GABRG3: variants seen among roughly 807,000 people sequenced by gnomAD.
The protein encoded by GABRG3 is gamma-aminobutyric acid type A receptor subunit gamma3.
GABRG3 carries 25 observed loss-of-function variants against 48.8 expected under a neutral mutation model. The ratio of observed to expected loss-of-function variants is 0.51; its 90% CI spans 0.37 to 0.72. The LOEUF is 0.72. GABRG3 is among the 30% of genes least tolerant of loss of function. The pLI, the probability that GABRG3 is intolerant of heterozygous loss-of-function variation, is 0.00. For missense variants in GABRG3, 394 were observed against 577.9 expected (o/e 0.68, Z 3.26); for synonymous variants, 227 against 217.6 (o/e 1.04, Z -0.38).
chr15:27,468,413 G>T (rs761120456), intron 5 of GABRG3, among the ~76,000 whole-genome samples: 7 of 152,184 alleles, frequency 4.6e-5, no homozygotes, highest in Non-Finnish European at 8.8e-5. Context: ...CATGGGGTTG[G>T]TGGTTGTGTG....
chr15:27,060,948 C>A (rs1158124530), intron 3 of GABRG3, among the ~76,000 whole-genome samples: 1 of 152,102 alleles, frequency 6.6e-6, no homozygotes, highest in Non-Finnish European at 1.5e-5. Context: ...TCACTAAATG[C>A]CACCAAATAC....
chr15:27,427,837 T>C (rs1402708856), intron 5 of GABRG3, among the ~76,000 whole-genome samples: 2 of 152,202 alleles, frequency 1.3e-5, no homozygotes, highest in Non-Finnish European at 2.9e-5. Flanking sequence ...TCCCATCCTC[T>C]GGAGTGGCTT....
chr15:27,053,967 A>C (rs986324993), intron 3 of GABRG3, among the ~76,000 whole-genome samples: 1 of 152,262 alleles, frequency 6.6e-6, no homozygotes, highest in Non-Finnish European at 1.5e-5. Flanking sequence ...TGGGGACTTC[A>C]AAAGGAGGGA....
chr15:27,170,199 G>A (rs991560444), intron 3 of GABRG3, among the ~76,000 whole-genome samples: 1 of 152,130 alleles, frequency 6.6e-6, no homozygotes, highest in Non-Finnish European at 1.5e-5. Context: ...TTTAAAAGAT[G>A]TTTGGCCATC....
chr15:27,205,763 A>G (rs552170525), intron 3 of GABRG3, among the ~76,000 whole-genome samples: 5 of 151,468 alleles, frequency 3.3e-5, no homozygotes, highest in Admixed American at 2.0e-4. Context: ...TTATTGGTCA[A>G]TTCAGGTTTC....
intron 3 of GABRG3, among the ~76,000 whole-genome samples, chr15:27,136,835 C>A (rs1394148066): frequency 6.6e-6 from 1 of 152,102 alleles, no homozygotes; most frequent in Non-Finnish European, 1.5e-5. Context: ...GCCCACCCTC[C>A]CCACCTCACA....
intron 3 of GABRG3, among the ~76,000 whole-genome samples, chr15:27,322,406 A>G (rs1433098249): frequency 1.3e-5 from 2 of 152,156 alleles, no homozygotes; most frequent in Admixed American, 6.5e-5. Flanking sequence ...CACCTCATGG[A>G]TGGTTCTCGA....
chr15:27,110,897 T>C (rs2140370437), intron 3 of GABRG3, among the ~76,000 whole-genome samples: 1 of 152,306 alleles, frequency 6.6e-6, no homozygotes. Flanking sequence ...TGCTCAGTGT[T>C]TGATGAGCTT....
chr15:27,379,957 G>A (rs1895715541), intron 5 of GABRG3, among the ~76,000 whole-genome samples: 1 of 150,360 alleles, frequency 6.7e-6, no homozygotes, highest in African/African-American at 2.4e-5. Flanking sequence ...AGTTATTATA[G>A]TTTTAAATAT....
intron 5 of GABRG3, among the ~76,000 whole-genome samples, chr15:27,446,000 C>G (rs1888933782): frequency 6.6e-6 from 1 of 151,998 alleles, no homozygotes; most frequent in Non-Finnish European, 1.5e-5. Flanking sequence ...TTTTGTTGAT[C>G]TATATTTCTA....
rs1299468660 is a variant in GABRG3, at chr15:26,975,153, A to C, written c.54-1849A>C. On this transcript the variant is annotated intron_variant, in intron 1 of 9. Transcript: ENST00000615808. The surrounding 1 kb of genome is among the most constrained non-coding windows in gnomAD (Gnocchi z 4.6). ...TGGCTTCCCAAAGTGTTGGGATTAC[A>C]GGCGTGAACAACCATGCCCGGCCAG... Among the ~76,000 whole-genome samples, 3 of 152,160 alleles carry C rather than the reference A, an allele frequency of 2.0e-5. No individual in the cohort carries two copies. The highest frequency in any genetic ancestry group is 2.9e-5 in the Non-Finnish European group (2 of 68,034).
At chr15:27,522,427 C>A (rs117784029) in intron 7 of GABRG3, among the ~76,000 whole-genome samples, 3,131 of 149,394 alleles carry the variant, frequency 0.021, 69 homozygotes, top group East Asian at 0.098. Context: ...GGTAAGTGTG[C>A]GGTGAAGTTT....
chr15:27,214,065 A>C (rs1889160238), intron 3 of GABRG3, among the ~76,000 whole-genome samples: 1 of 152,242 alleles, frequency 6.6e-6, no homozygotes, highest in Admixed American at 6.5e-5. Flanking sequence ...TGTGTGATTG[A>C]GTCTCAGTCT....
chr15:27,519,400 T>C (rs1321415750), intron 6 of GABRG3, among the ~76,000 whole-genome samples: 1 of 152,178 alleles, frequency 6.6e-6, no homozygotes, highest in Non-Finnish European at 1.5e-5. Context: ...ATTACTCCTT[T>C]TTGTTTCTGG....
chr15:27,292,085 G>C (rs1891812400), intron 3 of GABRG3, among the ~76,000 whole-genome samples: 1 of 152,126 alleles, frequency 6.6e-6, no homozygotes. Context: ...ATGGTTTCCA[G>C]CTTCATCCAT....
intron 3 of GABRG3, among the ~76,000 whole-genome samples, chr15:27,144,229 A>T (rs60203651): frequency 0.023 from 3,489 of 152,288 alleles, 156 homozygotes; most frequent in African/African-American, 0.081. Context: ...ACTGTGTGGC[A>T]TCTTAACTTG....
At chr15:27,097,218 A>C (rs1160609055) in intron 3 of GABRG3, among the ~76,000 whole-genome samples, 1 of 151,878 alleles carries the variant, frequency 6.6e-6, no homozygotes, top group African/African-American at 2.4e-5. Context: ...ATACTTGGAG[A>C]TGCTGGCCCG....
At chr15:27,204,948 C>T (rs1184282787) in intron 3 of GABRG3, among the ~76,000 whole-genome samples, 2 of 152,040 alleles carry the variant, frequency 1.3e-5, no homozygotes, top group African/African-American at 2.4e-5. Context: ...TGGGCAGAAA[C>T]GATGGCATTT....
At chr15:27,376,628 C>T (rs1895605678) in intron 5 of GABRG3, among the ~76,000 whole-genome samples, 1 of 152,120 alleles carries the variant, frequency 6.6e-6, no homozygotes, top group Admixed American at 6.5e-5. Flanking sequence ...AAGCCATGGC[C>T]CGAACTTTAT....
Sources: gnomAD v4.1 joint callset for allele counts (sites outside exome capture counted in the v4.1 genomes callset) on GRCh38, gnomAD v4.1.1 for gene constraint, Gnocchi (gnomAD v3.1) non-coding constraint, MANE v1.5 for transcripts, NCBI Gene and HGNC (gene_info 2026-07-23, HGNC 2026-07-21) for gene names.